The following ZNF385D variants were observed in gnomAD, a reference collection of about 807,000 sequenced individuals.
The protein encoded by ZNF385D is zinc finger protein 659.
ZNF385D carries 15 observed loss-of-function variants against 35.8 expected under a neutral mutation model. The observed-to-expected ratio is 0.42, with a 90% CI of 0.28 to 0.64. The LOEUF is 0.64. Among genes scored for constraint, ZNF385D ranks in the 30% least tolerant of loss-of-function variants. ZNF385D has a pLI of 0.23. For synonymous variants in ZNF385D, 212 were observed against 186.8 expected, an observed-to-expected ratio of 1.13 and a Z score of -1.10; for missense variants, 474 against 494.6, an observed-to-expected ratio of 0.96 and a Z score of 0.39.
At chr3:21,766,322 T>C (rs2070828962) in intron 3 of ZNF385D, among the ~76,000 whole-genome samples, 1 of 152,140 alleles carries the variant, frequency 6.6e-6, no homozygotes, top group Non-Finnish European at 1.5e-5. Flanking sequence ...ATTATTAGAG[T>C]AATGAAGAAC....
intron 2 of ZNF385D, among the ~76,000 whole-genome samples, chr3:22,175,316 T>C (rs578190676): frequency 3.3e-5 from 5 of 152,096 alleles, no homozygotes; most frequent in South Asian, 4.1e-4. Context: ...TGAATAAGCA[T>C]ATATAAAGTA....
At chr3:21,913,990 C>A (rs1341205064) in intron 3 of ZNF385D, among the ~76,000 whole-genome samples, 1 of 152,024 alleles carries the variant, frequency 6.6e-6, no homozygotes, top group Non-Finnish European at 1.5e-5. Flanking sequence ...AGATTTGCAG[C>A]TTGTTTGGTT....
intron 3 of ZNF385D, among the ~76,000 whole-genome samples, chr3:21,917,390 C>T (rs186721031): frequency 6.6e-6 from 1 of 151,964 alleles, no homozygotes; most frequent in Non-Finnish European, 1.5e-5. Flanking sequence ...TGAGATCGGG[C>T]CATTGCACTC....
At chr3:22,135,075 T>C (rs1704025945) in intron 3 of ZNF385D, among the ~76,000 whole-genome samples, 1 of 151,898 alleles carries the variant, frequency 6.6e-6, no homozygotes, top group African/African-American at 2.4e-5. Flanking sequence ...AACAGGAAAA[T>C]CTCCAAACAC....
At chr3:21,694,688 A>G (rs147435787) in intron 1 of ZNF385D, among the ~76,000 whole-genome samples, 2,013 of 152,236 alleles carry the variant, frequency 0.013, 42 homozygotes, top group African/African-American at 0.045. Context: ...AAAAGATGAA[A>G]TCTTGGGTGT....
intron 1 of ZNF385D, among the ~76,000 whole-genome samples, chr3:21,670,401 TATA>T (rs1295407804): frequency 3.9e-5 from 6 of 151,952 alleles, no homozygotes; most frequent in East Asian, 1.9e-4. Flanking sequence ...GAGCATTTTG[TATA>T]ATATTAGATC....
intron 2 of ZNF385D, among the ~76,000 whole-genome samples, chr3:22,323,749 G>A (rs1022544684): frequency 2.1e-4 from 32 of 152,176 alleles, no homozygotes; most frequent in African/African-American, 7.0e-4. Flanking sequence ...AATAAGCCAC[G>A]CAAAGTGCTA....
At chr3:22,046,710 C>T (rs1389301060) in intron 3 of ZNF385D, among the ~76,000 whole-genome samples, 4 of 152,112 alleles carry the variant, frequency 2.6e-5, no homozygotes, top group Admixed American at 2.0e-4. Context: ...GTTAGATTCT[C>T]ACTAAACTAG....
chr3:22,359,445 A>G (rs1696314046), intron 2 of ZNF385D, among the ~76,000 whole-genome samples: 1 of 151,946 alleles, frequency 6.6e-6, no homozygotes, highest in South Asian at 2.1e-4. Context: ...TACCTTGGGC[A>G]TATTGATAGA....
chr3:21,473,400 T>C (rs1409253329), intron 4 of ZNF385D, among the ~76,000 whole-genome samples: 3 of 152,262 alleles, frequency 2.0e-5, no homozygotes, highest in Middle Eastern at 6.8e-3. Flanking sequence ...AAGGAACAAA[T>C]TTCTGCCTCT....
intron 3 of ZNF385D, among the ~76,000 whole-genome samples, chr3:21,996,747 C>G (rs1030682344): frequency 6.6e-6 from 1 of 152,018 alleles, no homozygotes; most frequent in East Asian, 1.9e-4. Flanking sequence ...ATAGGAACCC[C>G]CCTAAAACTT....
intron 3 of ZNF385D, among the ~76,000 whole-genome samples, chr3:21,771,716 A>G (rs1026039360): frequency 6.6e-6 from 1 of 151,942 alleles, no homozygotes; most frequent in Non-Finnish European, 1.5e-5. Context: ...AAGACCATCA[A>G]GATGGGGGAG....
In ZNF385D at chr3:21,413,699, A is replaced by AG. The variant is rs1418606372; in HGVS notation, c.*7514dup. On this transcript the variant is annotated 3_prime_UTR_variant, in exon 8 of 8. Transcript: ENST00000281523. ...TTCCTTTATTTTTTGCAGGGTCACA[A>AG]GCATGTAGAGCAAACCATAGTCTAT... The AG allele has an allele frequency of 6.6e-6, 1 of 152,108 alleles. No individual in the cohort carries two copies. The highest frequency in any genetic ancestry group is 1.5e-5 in the Non-Finnish European group (1 of 67,986). The allele number at this position is 152,108 out of a possible 1,614,324, so 9.4% of individuals were successfully genotyped here. A position where few individuals can be genotyped will look rare whatever the true frequency, so the allele number is the denominator to read the frequency against.
intron 3 of ZNF385D, among the ~76,000 whole-genome samples, chr3:21,523,230 C>T (rs577080703): frequency 2.3e-4 from 35 of 152,212 alleles, no homozygotes; most frequent in African/African-American, 7.0e-4. Flanking sequence ...TTTTATAGAT[C>T]GGTGGATTGA....
In ZNF385D at chr3:21,742,466, G is replaced by T. The variant is rs145742256; in HGVS notation, c.22+8429C>A. On this transcript the variant is annotated intron_variant, in intron 1 of 7. Transcript: ENST00000281523. ...TGCAGGTCTTTGGCCAATTTGTCCT[G>T]AGATCTATTCTTGCTCTTCCTCTAA... 1.6e-3 allele frequency among the ~76,000 whole-genome samples: 242 copies of T among 152,330 alleles called. No homozygotes were observed. In the East Asian group the frequency reaches 0.02, roughly 12 times the overall value.
intron 3 of ZNF385D, among the ~76,000 whole-genome samples, chr3:22,023,816 G>C (rs958948542): frequency 1.3e-5 from 2 of 152,062 alleles, no homozygotes; most frequent in Non-Finnish European, 2.9e-5. Flanking sequence ...GAACTTGGAA[G>C]AGTGCCCTGT....
At chr3:21,564,814 T>A in intron 2 of ZNF385D, 130 bp from the exon 3 acceptor site, 1 of 425,912 alleles carries the variant, frequency 2.3e-6, no homozygotes. Flanking sequence ...AGAACCTTTT[T>A]ATTCTAAGAA....
intron 1 of ZNF385D, among the ~76,000 whole-genome samples, chr3:21,694,991 C>T (rs1435590642): frequency 6.6e-6 from 1 of 152,126 alleles, no homozygotes; most frequent in Non-Finnish European, 1.5e-5. Context: ...AATTTTAGCT[C>T]CACCACAAAA....
intron 3 of ZNF385D, among the ~76,000 whole-genome samples, chr3:22,014,296 G>A (rs945190363): frequency 6.6e-6 from 1 of 152,074 alleles, no homozygotes; most frequent in African/African-American, 2.4e-5. Flanking sequence ...TGTATGGGAA[G>A]TTTAAGGCAA....
Sources: allele counts gnomAD v4.1 joint callset (sites outside exome capture counted in the v4.1 genomes callset), GRCh38; gene constraint gnomAD v4.1.1; transcripts MANE v1.5; gene names NCBI Gene and HGNC (gene_info 2026-07-23, HGNC 2026-07-21).